VPS13A: variants seen among roughly 807,000 people sequenced by gnomAD.
VPS13A encodes vacuolar protein sorting 13 homolog A.
A neutral mutation model predicts 390.9 loss-of-function variants in VPS13A; 264 were observed. That is an observed-to-expected ratio of 0.68 (90% CI 0.61 to 0.75). VPS13A has a LOEUF of 0.75. VPS13A is among the 30% of genes least tolerant of loss of function. The pLI is 0.00. For missense variants in VPS13A, 3,409 were observed against 3,733.9 expected, an observed-to-expected ratio of 0.91 and a Z score of 2.27; for synonymous variants, 1,231 against 1,227.1, an observed-to-expected ratio of 1.00 and a Z score of -0.07.
At position 77,238,206 on chromosome 9, in the gene VPS13A, A is replaced by T. The variant is rs1419798900; in HGVS notation, c.1785+15A>T. 1.2e-6 allele frequency: 2 copies of T among 1,610,630 alleles called. No homozygotes were observed. The highest frequency in any genetic ancestry group is 1.7e-5 in the Admixed American group (1 of 59,992). ...TATATGATGCAGTAAGCATTTTTTTAAATTACTAAGTTTTAATATAATTTA... is the reference window on the plus strand; with the variant it reads ...TATATGATGCAGTAAGCATTTTTTTTAATTACTAAGTTTTAATATAATTTA... On this transcript the variant is annotated intron_variant, in intron 18 of 71. Transcript: ENST00000360280.
chr9:77,358,934 C>A (rs893771641), intron 57 of VPS13A, among the ~76,000 whole-genome samples: 1 of 152,108 alleles, frequency 6.6e-6, no homozygotes, highest in Admixed American at 6.6e-5. Flanking sequence ...GCTTTCCCAC[C>A]TCCACCCCAC....
rs767048040 is a variant in VPS13A at position 77,319,653 on chromosome 9, C to T, written c.5395C>T (p.Pro1799Ser). ...AATTGATCAGACTGAGGATTTTAGA[C>T]CATGGAATCTTGGTATCAAGGTATA... ...LEIDQTEDFR[P>S]WNLGIKMKKK... Residue 1799 changes from proline (P) to serine (S), a missense_variant, in exon 42 of 72, where the codon CCA becomes TCA. By Grantham distance (74) the Pro-to-Ser change is moderately conservative. This residue lies in a region of VPS13A where 2,717 missense variants were observed against 2,917.4 expected (regional missense o/e 0.93). Coordinates refer to ENST00000360280, the MANE Select transcript of VPS13A (RefSeq NM_033305.3). 9.4e-6 allele frequency: 15 copies of T among 1,603,344 alleles called. No individual in the cohort carries two copies. The African/African-American group carries it at 1.7e-4, about 19-fold the overall frequency.
At chr9:77,406,391 T>G (rs1419847133) in intron 70 of VPS13A, among the ~76,000 whole-genome samples, 1 of 152,196 alleles carries the variant, frequency 6.6e-6, no homozygotes, top group Non-Finnish European at 1.5e-5. Context: ...CCCCTTTTCA[T>G]GAGACCTTAT....
intron 68 of VPS13A, among the ~76,000 whole-genome samples, chr9:77,391,977 T>C (rs934826647): frequency 1.3e-5 from 2 of 152,242 alleles, no homozygotes; most frequent in Non-Finnish European, 2.9e-5. Context: ...TGAAGGTTCC[T>C]GCTCATCTCT....
intron 22 of VPS13A, among the ~76,000 whole-genome samples, chr9:77,254,514 G>T (rs942261563): frequency 1.3e-5 from 2 of 151,958 alleles, no homozygotes; most frequent in African/African-American, 4.8e-5. Context: ...TGGCTATTCG[G>T]GATCCTTTGG....
chr9:77,308,441 T>A (rs1361261685), intron 35 of VPS13A, among the ~76,000 whole-genome samples: 1 of 152,144 alleles, frequency 6.6e-6, no homozygotes, highest in African/African-American at 2.4e-5. Context: ...TCCATTTTTC[T>A]CCCTTTCCCC....
At chr9:77,331,517 A>G (rs1302478688) in intron 45 of VPS13A, among the ~76,000 whole-genome samples, 1 of 152,000 alleles carries the variant, frequency 6.6e-6, no homozygotes, top group Non-Finnish European at 1.5e-5. Context: ...TCTGTGAATC[A>G]TGTTTACATT....
At chr9:77,260,888 A>G (rs1182946152) in intron 23 of VPS13A, among the ~76,000 whole-genome samples, 8 of 151,744 alleles carry the variant, frequency 5.3e-5, no homozygotes, top group Non-Finnish European at 1.5e-5. Flanking sequence ...GTGTGTATAC[A>G]TACATGTATA....
intron 21 of VPS13A, 91 bp from the exon 22 acceptor site, chr9:77,252,144 A>G (rs764223508): frequency 1.5e-5 from 16 of 1,052,896 alleles, no homozygotes; most frequent in Non-Finnish European, 2.2e-5. Flanking sequence ...ATTTCCTCAT[A>G]TAATGGAATG....
chr9:77,250,002 C>A, intron 20 of VPS13A, 95 bp from the exon 21 acceptor site: 1 of 1,371,064 alleles, frequency 7.3e-7, no homozygotes, highest in Non-Finnish European at 1.0e-6. Flanking sequence ...AATTTATCCT[C>A]TCCTATTAAC....
intron 63 of VPS13A, among the ~76,000 whole-genome samples, chr9:77,370,015 A>T (rs374058032): frequency 2.4e-4 from 36 of 152,114 alleles, no homozygotes; most frequent in African/African-American, 7.2e-4. Flanking sequence ...ACCTTTCTGT[A>T]CTTTGGTGAG....
chr9:77,210,727 A>C, intron 7 of VPS13A, 52 bp downstream of exon 7: 1 of 1,550,710 alleles, frequency 6.4e-7, no homozygotes, highest in Non-Finnish European at 8.9e-7. Flanking sequence ...AATATAGTCT[A>C]TTAAACTGCT....
intron 33 of VPS13A, among the ~76,000 whole-genome samples, chr9:77,296,348 G>C (rs1828000471): frequency 6.6e-6 from 1 of 152,126 alleles, no homozygotes; most frequent in Non-Finnish European, 1.5e-5. Flanking sequence ...TAGTTCGAGA[G>C]CTTTTATACT....
At position 77,220,305 on chromosome 9, in the gene VPS13A, C is replaced by T; in HGVS notation, c.911C>T (p.Ser304Leu). Reference protein sequence around the residue: ...QYFSIMELLESVDMMAQNLPY... With the variant: ...QYFSIMELLELVDMMAQNLPY... ...TTCAGTATTATGGAGCTTCTTGAAT[C>T]AGTTGATATGATGGCACAAAATCTG... Residue 304 changes from serine to leucine, a missense_variant, in exon 12 of 72, where the codon TCA (serine) becomes TTA (leucine). Ser to Leu is a moderately radical substitution (Grantham distance 145, BLOSUM62 -2). This residue lies in a region of VPS13A where 2,717 missense variants were observed against 2,917.4 expected (regional missense o/e 0.93). Transcript: ENST00000360280. The T allele has an allele frequency of 6.2e-7, 1 of 1,612,062 alleles. No homozygotes were observed. Among genetic ancestry groups the T allele is most frequent in the East Asian group, 2.2e-5 (1 of 44,766 alleles).
At chr9:77,249,545 A>G (rs1016282668) in intron 20 of VPS13A, among the ~76,000 whole-genome samples, 1 of 152,248 alleles carries the variant, frequency 6.6e-6, no homozygotes, top group Non-Finnish European at 1.5e-5. Context: ...TTTATGAGTA[A>G]GATCTTTATG....
At chr9:77,291,447 C>G (rs891264696) in intron 31 of VPS13A, among the ~76,000 whole-genome samples, 4 of 152,148 alleles carry the variant, frequency 2.6e-5, no homozygotes, top group Non-Finnish European at 5.9e-5. Context: ...GGGGATGCCT[C>G]TTTTCTGCTA....
intron 23 of VPS13A, among the ~76,000 whole-genome samples, chr9:77,266,807 G>C (rs534452310): frequency 6.6e-6 from 1 of 152,206 alleles, no homozygotes; most frequent in South Asian, 2.1e-4. Context: ...CCAGTCAAAT[G>C]TAGGTTTGGT....
At chr9:77,276,697 A>G (rs1405911630) in intron 26 of VPS13A, among the ~76,000 whole-genome samples, 1 of 152,160 alleles carries the variant, frequency 6.6e-6, no homozygotes, top group Non-Finnish European at 1.5e-5. Context: ...TCATTTACAC[A>G]TGGTTTAAGT....
At chr9:77,415,535 G>A (rs960576284) in intron 71 of VPS13A, among the ~76,000 whole-genome samples, 4 of 152,096 alleles carry the variant, frequency 2.6e-5, no homozygotes, top group Admixed American at 2.0e-4. Context: ...AATATATTGT[G>A]AGAGCACCTA....
Sources: allele counts gnomAD v4.1 joint callset (sites outside exome capture counted in the v4.1 genomes callset), GRCh38; gene constraint gnomAD v4.1.1; regional missense constraint gnomAD v4.1.1; transcripts MANE v1.5; gene names NCBI Gene and HGNC (gene_info 2026-07-23, HGNC 2026-07-21).